ZNF674: variants seen among roughly 807,000 people sequenced by gnomAD.
ZNF674 encodes the protein zinc finger family member 674.
ZNF674 carries 2 observed loss-of-function variants against 7.0 expected under a neutral mutation model. The observed-to-expected ratio is 0.29, with a 90% CI of 0.12 to 0.90. The LOEUF (loss-of-function observed/expected upper bound fraction) is 0.90. ZNF674 is among the 40% of genes least tolerant of loss of function. The pLI, the probability that ZNF674 is intolerant of heterozygous loss-of-function variation, is 0.57. For missense variants in ZNF674, 297 were observed against 415.5 expected (o/e 0.71, Z 2.48); for synonymous variants, 103 against 145.2 (o/e 0.71, Z 2.09).
intron 5 of ZNF674, among the ~76,000 whole-genome samples, chrX:46,508,805 C>A (rs746842854): frequency 9.0e-6 from 1 of 110,931 alleles, no homozygotes; most frequent in East Asian, 2.8e-4. Context: ...GATTTTTGTA[C>A]ATTGATTTTG....
rs1028786487 is a variant in ZNF674 at position 46,528,532 on chromosome X, C to T, written c.143-87G>A. 2.4e-5 allele frequency: 25 copies of T among 1,055,072 alleles called. No individual in the cohort carries two copies. In the East Asian group the frequency reaches 2.7e-4, roughly 12 times the overall value. The allele number at this position is 1,055,072 out of a possible 1,213,427, so 86.9% of individuals were successfully genotyped here. On this transcript the variant is annotated intron_variant, in intron 4 of 5. Transcript: ENST00000683375. ...CCACCCCTGCAGGCTGAAGGTGGCA[C>T]GGCCTCGGTGATGGCCCCATGCACA...
intron 5 of ZNF674, among the ~76,000 whole-genome samples, chrX:46,526,658 G>A (rs1226475062): frequency 9.0e-6 from 1 of 110,997 alleles, no homozygotes; most frequent in African/African-American, 3.3e-5. Flanking sequence ...ACTGCTGCTG[G>A]AAAAATTGGA....
intron 5 of ZNF674, among the ~76,000 whole-genome samples, chrX:46,516,419 G>A (rs999619533): frequency 8.0e-5 from 9 of 112,016 alleles, no homozygotes; most frequent in Non-Finnish European, 7.5e-5. Flanking sequence ...AGTTCATCCA[G>A]GAACTCTTCA....
chrX:46,517,251 T>C (rs778344348), intron 5 of ZNF674, among the ~76,000 whole-genome samples: 18 of 109,411 alleles, frequency 1.6e-4, no homozygotes, highest in Non-Finnish European at 3.0e-4. Flanking sequence ...AATGGATAAA[T>C]AGAAGTTCTC....
Position 46,531,588 on chromosome X carries a change from G to A in ZNF674, c.16-2679C>T, listed in dbSNP as rs144886766. On this transcript the variant is annotated intron_variant, in intron 3 of 5. Transcript: ENST00000683375. ...AGCCTGGGGCCTGGGATTACATCTC[G>A]TGTCAGGAGTGTTGTGTCAAGTGAG... Among the ~76,000 whole-genome samples the A allele has an allele frequency of 8.3e-3, 926 of 111,426 alleles. 8 individuals carry two copies. Among genetic ancestry groups the A allele is most frequent in the South Asian group, 0.033 (87 of 2,662 alleles).
intron 3 of ZNF674, among the ~76,000 whole-genome samples, chrX:46,541,256 T>C (rs1461277099): frequency 2.0e-5 from 2 of 101,553 alleles, no homozygotes; most frequent in Non-Finnish European, 4.0e-5. Flanking sequence ...AGGTACTCGG[T>C]TGGCTGAGGC....
intron 5 of ZNF674, among the ~76,000 whole-genome samples, chrX:46,508,353 G>C (rs1941580172): frequency 9.0e-6 from 1 of 111,435 alleles, no homozygotes; most frequent in South Asian, 3.7e-4. Context: ...TATAACCTTG[G>C]ATACCAGAAT....
At chrX:46,502,751 T>A (rs1414013983) in intron 5 of ZNF674, among the ~76,000 whole-genome samples, 1 of 112,173 alleles carries the variant, frequency 8.9e-6, no homozygotes, top group East Asian at 2.8e-4. Context: ...AGTTAGAGTG[T>A]GCTCTGTATT....
intron 5 of ZNF674, among the ~76,000 whole-genome samples, chrX:46,504,051 C>T (rs183345833): frequency 9.2e-6 from 1 of 108,500 alleles, no homozygotes; most frequent in Non-Finnish European, 1.9e-5. Flanking sequence ...AAAAAAAATA[C>T]ACACATGTGC....
chrX:46,505,317 C>A (rs1382886813), intron 5 of ZNF674, among the ~76,000 whole-genome samples: 1 of 112,169 alleles, frequency 8.9e-6, no homozygotes, highest in Non-Finnish European at 1.9e-5. Flanking sequence ...GGCTTTTAGG[C>A]TGGACTTCTG....
chrX:46,512,023 C>CA (rs373241005), intron 5 of ZNF674, among the ~76,000 whole-genome samples: 398 of 59,004 alleles, frequency 6.7e-3, no homozygotes, highest in Middle Eastern at 0.016. Context: ...AACTCCATCT[C>CA]AAAAAAAAAA....
intron 3 of ZNF674, among the ~76,000 whole-genome samples, chrX:46,537,352 T>G (rs1386931396): frequency 9.2e-6 from 1 of 108,580 alleles, no homozygotes; most frequent in East Asian, 2.8e-4. Flanking sequence ...AAAAGCACAG[T>G]AGGAGCATAT....
At chrX:46,519,566 C>T (rs1941868051) in intron 5 of ZNF674, among the ~76,000 whole-genome samples, 1 of 108,451 alleles carries the variant, frequency 9.2e-6, no homozygotes, top group South Asian at 4.0e-4. Context: ...CAAGATTGTG[C>T]CACTGCACTC....
rs950505868 is a variant in ZNF674, at chrX:46,497,789, A to G, written c.*2054T>C. The G allele has an allele frequency of 2.7e-5, 3 of 111,082 alleles. No individual in the cohort carries two copies. Among genetic ancestry groups the G allele is most frequent in the Non-Finnish European group, 5.7e-5 (3 of 52,963 alleles). 9.2% of individuals were successfully genotyped at this position (111,082 alleles called of 1,213,427 possible). A position where few individuals can be genotyped will look rare whatever the true frequency, so the allele number is the denominator to read the frequency against. The stretch of plus-strand genomic sequence containing the variant: ...ACTACAATCAAAAAAATTTTTACAC[A>G]TCAATAATCCCCACATTCAAATGCC... On this transcript the variant is annotated 3_prime_UTR_variant, in exon 6 of 6. Coordinates refer to ENST00000683375, the MANE Select transcript of ZNF674 (RefSeq NM_001190417.2).
At chrX:46,538,756 G>T (rs1450736715) in intron 3 of ZNF674, among the ~76,000 whole-genome samples, 1 of 111,125 alleles carries the variant, frequency 9.0e-6, no homozygotes, top group African/African-American at 3.3e-5. Flanking sequence ...GCCAGGTGTG[G>T]TGGCATGTAC....
At chrX:46,530,920 C>T (rs1045541243) in intron 3 of ZNF674, among the ~76,000 whole-genome samples, 3 of 109,066 alleles carry the variant, frequency 2.8e-5, no homozygotes, top group African/African-American at 6.9e-5. Flanking sequence ...ATGAAGCCTC[C>T]GAAAAACCCC....
chrX:46,535,232 G>A (rs374970321), intron 3 of ZNF674, among the ~76,000 whole-genome samples: 34 of 109,837 alleles, frequency 3.1e-4, no homozygotes, highest in African/African-American at 9.0e-4. Context: ...CTGCAGCCTC[G>A]ACCTCCTGGG....
intron 3 of ZNF674, among the ~76,000 whole-genome samples, chrX:46,539,636 C>T (rs1942257170): frequency 1.8e-5 from 2 of 112,660 alleles, no homozygotes; most frequent in Admixed American, 1.9e-4. Flanking sequence ...ATTCTCTCCC[C>T]TAGGGGATAT....
chrX:46,515,603 A>G (rs1254996104), intron 5 of ZNF674, among the ~76,000 whole-genome samples: 1 of 110,836 alleles, frequency 9.0e-6, no homozygotes, highest in Admixed American at 9.7e-5. Flanking sequence ...AACACTTACC[A>G]AACTGTTTGC....
Sources: gnomAD v4.1 joint callset for allele counts (sites outside exome capture counted in the v4.1 genomes callset) on GRCh38, gnomAD v4.1.1 for gene constraint, MANE v1.5 for transcripts, NCBI Gene and HGNC (gene_info 2026-07-23, HGNC 2026-07-21) for gene names.